ANKRD27: variants seen among roughly 807,000 people sequenced by gnomAD.
ANKRD27 encodes ankyrin repeat domain-containing protein 27.
ANKRD27 carries 112 observed loss-of-function variants against 129.7 expected under a neutral mutation model. The observed-to-expected ratio is 0.86, with a 90% CI of 0.74 to 1.01. The LOEUF (loss-of-function observed/expected upper bound fraction) is 1.01, where lower values mean the gene tolerates loss of function less well. ANKRD27 is among the 50% of genes least tolerant of loss of function. The pLI is 0.00. For synonymous variants in ANKRD27, 516 were observed against 511.2 expected, an observed-to-expected ratio of 1.01 and a Z score of -0.13; for missense variants, 1,258 against 1,300.5, an observed-to-expected ratio of 0.97 and a Z score of 0.50.
chr19:32,608,390 G>T, intron 22 of ANKRD27: 1 of 353,316 alleles, frequency 2.8e-6, no homozygotes, highest in Admixed American at 3.3e-5. Context: ...CCCCGCAAAG[G>T]CGACGAGATT....
chr19:32,658,208 C>CACAGATG (rs1399025551), intron 2 of ANKRD27, among the ~76,000 whole-genome samples: 1 of 152,062 alleles, frequency 6.6e-6, no homozygotes, highest in African/African-American at 2.4e-5. Flanking sequence ...AAGCAGAGGC[C>CACAGATG]ACAGATGACA....
intron 3 of ANKRD27, among the ~76,000 whole-genome samples, chr19:32,647,072 C>T (rs1228796400): frequency 1.3e-5 from 2 of 152,114 alleles, no homozygotes; most frequent in Admixed American, 6.5e-5. Flanking sequence ...GTGATCCGCC[C>T]GCCTTGGCCT....
chr19:32,628,794 T>C lies in ANKRD27; in HGVS notation c.1265A>G (p.His422Arg), dbSNP rs1157749648. The C allele has an allele frequency of 1.2e-6, 2 of 1,614,118 alleles. No individual in the cohort carries two copies. The highest frequency in any genetic ancestry group is 1.7e-6 in the Non-Finnish European group (2 of 1,180,052). ...CATCTTTTGGACGGTATCTTTATCA[T>C]GGTCCTCTTGGCTCAGAAGTCTCTC... ...EVERLLSQED[H>R]DKDTVQKMCH... Residue 422 changes from histidine to arginine, a missense_variant, in exon 14 of 29, where the codon CAT (histidine) becomes CGT (arginine). His to Arg is a conservative substitution (Grantham distance 29). Coordinates refer to ENST00000306065, the MANE Select transcript of ANKRD27 (RefSeq NM_032139.3).
intron 26 of ANKRD27, among the ~76,000 whole-genome samples, chr19:32,600,492 G>A (rs1971635704): frequency 6.6e-6 from 1 of 152,138 alleles, no homozygotes; most frequent in African/African-American, 2.4e-5. Flanking sequence ...AGTGAGCCGA[G>A]ATTGCACCAC....
intron 12 of ANKRD27, chr19:32,636,018 C>T (rs928650689): frequency 6.6e-6 from 1 of 152,364 alleles, no homozygotes; most frequent in Admixed American, 6.6e-5. Flanking sequence ...ACTGCTGCAC[C>T]CATGACCCAC....
intron 3 of ANKRD27, among the ~76,000 whole-genome samples, chr19:32,647,530 G>GCCA (rs981700251): frequency 3.3e-4 from 51 of 152,334 alleles, no homozygotes; most frequent in Admixed American, 2.5e-3. Flanking sequence ...GGGAAGCCCG[G>GCCA]CCACAGTGTC....
At chr19:32,668,869 A>T (rs910102015) in intron 1 of ANKRD27, among the ~76,000 whole-genome samples, 1 of 152,034 alleles carries the variant, frequency 6.6e-6, no homozygotes. Flanking sequence ...CACTCATCCT[A>T]TCTTAATGCT....
chr19:32,627,250 A>C (rs954243644), intron 15 of ANKRD27, among the ~76,000 whole-genome samples: 3 of 152,104 alleles, frequency 2.0e-5, no homozygotes, highest in Non-Finnish European at 2.9e-5. Flanking sequence ...CCACACATCC[A>C]CACAAGCATG....
At position 32,644,449 on chromosome 19, in the gene ANKRD27, G is replaced by A; in HGVS notation, c.401C>T (p.Ser134Phe). ...TCTCACATCTTCAATGGTTTTCAGG[G>A]AAAAGGGATCTGAGGGTGCCAAAGG... ...EEPLAPSDPF[S>F]LKTIEDVREF... is the part of the protein sequence containing the mutation. The change falls in exon 5 of 29, where the codon TCC becomes TTC. Residue 134 changes from serine (S) to phenylalanine (F), a missense_variant. Coordinates refer to ENST00000306065, the MANE Select transcript of ANKRD27 (RefSeq NM_032139.3). 6.2e-7 allele frequency: 1 copy of A among 1,613,980 alleles called. No individual in the cohort carries two copies. The highest frequency in any genetic ancestry group is 8.5e-7 in the Non-Finnish European group (1 of 1,179,930).
Position 32,605,909 on chromosome 19 carries a change from C to T in ANKRD27, c.2419G>A (p.Asp807Asn), listed in dbSNP as rs1475708160. 1.2e-6 allele frequency: 2 copies of T among 1,613,916 alleles called. No homozygotes were observed. Among genetic ancestry groups the T allele is most frequent in the Non-Finnish European group, 1.7e-6 (2 of 1,180,000 alleles). Reference protein sequence around the residue: ...LDSNAKPNKKDLSGNTPLIYA... With the variant: ...LDSNAKPNKKNLSGNTPLIYA... ...ATGAGGGGCGTGTTTCCACTGAGGT[C>T]CTTCTTATTGGGTTTTGCATTCGAA... Residue 807 changes from aspartate (D) to asparagine (N), a missense_variant, in exon 24 of 29, where the codon GAC (aspartate) becomes AAC (asparagine). Asp to Asn is a conservative substitution (Grantham distance 23). Transcript: ENST00000306065.
At chr19:32,631,804 G>A (rs952785978) in intron 12 of ANKRD27, among the ~76,000 whole-genome samples, 2 of 152,208 alleles carry the variant, frequency 1.3e-5, no homozygotes, top group Admixed American at 6.5e-5. Context: ...TTGTCCTCCA[G>A]ATGGAAACTC....
chr19:32,635,877 G>A (rs751619939), intron 12 of ANKRD27, among the ~76,000 whole-genome samples: 1 of 152,168 alleles, frequency 6.6e-6, no homozygotes, highest in African/African-American at 2.4e-5. Flanking sequence ...CCTTGTTACC[G>A]CCAAGTCACG....
intron 26 of ANKRD27, among the ~76,000 whole-genome samples, chr19:32,601,024 C>G (rs538245721): frequency 1.3e-5 from 2 of 152,118 alleles, no homozygotes; most frequent in African/African-American, 2.4e-5. Context: ...TGAGGCCAGG[C>G]GCGGTGGCTC....
chr19:32,642,423 T>C (rs1457833176), intron 9 of ANKRD27, among the ~76,000 whole-genome samples: 2 of 151,190 alleles, frequency 1.3e-5, no homozygotes, highest in African/African-American at 4.9e-5. Flanking sequence ...TTGTGGTAGG[T>C]GAAACATTTT....
At chr19:32,652,754 CCTGTCT>C (rs1206606566) in intron 2 of ANKRD27, among the ~76,000 whole-genome samples, 4 of 151,684 alleles carry the variant, frequency 2.6e-5, no homozygotes, top group African/African-American at 9.7e-5. Flanking sequence ...AGGGCAAAAC[CCTGTCT>C]CTACAAAAAA....
At chr19:32,647,230 TCTCCCTC>T (rs1967320382) in intron 3 of ANKRD27, among the ~76,000 whole-genome samples, 1 of 152,188 alleles carries the variant, frequency 6.6e-6, no homozygotes, top group Non-Finnish European at 1.5e-5. Context: ...TATCGCAGAC[TCTCCCTC>T]CGTGTGTTTG....
intron 11 of ANKRD27, 92 bp from the exon 12 acceptor site, chr19:32,639,580 T>C: frequency 1.4e-6 from 2 of 1,398,388 alleles, no homozygotes; most frequent in Non-Finnish European, 2.0e-6. Context: ...TGATCAAATA[T>C]CTAGTCAGTT....
chr19:32,602,260 G>C, intron 25 of ANKRD27, 134 bp from the exon 26 acceptor site: 2 of 620,538 alleles, frequency 3.2e-6, no homozygotes, highest in Non-Finnish European at 5.5e-6. Flanking sequence ...AATGGAGCTT[G>C]GAGGCCATAA....
At chr19:32,663,710 A>C (rs536965331) in intron 1 of ANKRD27, among the ~76,000 whole-genome samples, 1 of 152,198 alleles carries the variant, frequency 6.6e-6, no homozygotes, top group Non-Finnish European at 1.5e-5. Context: ...AATTATGTAT[A>C]TATTACATAG....
Sources: gnomAD v4.1 joint callset for allele counts (sites outside exome capture counted in the v4.1 genomes callset) on GRCh38, gnomAD v4.1.1 for gene constraint, MANE v1.5 for transcripts, NCBI Gene and HGNC (gene_info 2026-07-23, HGNC 2026-07-21) for gene names.